Variants in PTPRD observed in about 807,000 individuals in gnomAD.
The protein encoded by PTPRD is protein tyrosine phosphatase receptor type D, also known as receptor-type tyrosine-protein phosphatase delta.
In PTPRD, 34 loss-of-function variants were observed where a neutral mutation model predicts 214.5. The ratio of observed to expected loss-of-function variants is 0.16; its 90% CI spans 0.12 to 0.21. PTPRD has a LOEUF of 0.21. PTPRD is among the 10% of genes least tolerant of loss of function. The probability of loss-of-function intolerance (pLI) is 1.00; values close to 1 mark genes in which losing one functional copy is unlikely to be tolerated. For synonymous variants in PTPRD, 1,128 were observed against 845.7 expected (o/e 1.33, Z -5.79); for missense variants, 2,545 against 2,398.7 (o/e 1.06, Z -1.27).
chr9:9,433,458 T>C (rs2084001601), intron 8 of PTPRD, among the ~76,000 whole-genome samples: 1 of 152,234 alleles, frequency 6.6e-6, no homozygotes, highest in Non-Finnish European at 1.5e-5. Context: ...ACTTATTCAA[T>C]GCAATCAACA....
chr9:10,219,666 T>C (rs2099556958), intron 3 of PTPRD, among the ~76,000 whole-genome samples: 1 of 151,814 alleles, frequency 6.6e-6, no homozygotes, highest in Non-Finnish European at 1.5e-5. Context: ...AAATTTATTT[T>C]TTAAACTTTA....
At position 9,506,632 on chromosome 9, in the gene PTPRD, T is replaced by A. The variant is rs188045448; in HGVS notation, c.-237+68100A>T. On this transcript the variant is annotated intron_variant, in intron 8 of 45. Coordinates refer to ENST00000381196, the MANE Select transcript of PTPRD (RefSeq NM_002839.4). ...TCATTTCTCAGCATATTCCTTTTTT[T>A]AAAAATTACCTTTGGAATACTCAAT... 1.5e-3 allele frequency among the ~76,000 whole-genome samples: 220 copies of A among 151,530 alleles called. 4 individuals carry two copies. Among genetic ancestry groups the A allele is most frequent in the East Asian group, 1.2e-3 (6 of 5,146 alleles).
At chr9:9,042,964 C>A (rs1304620401) in intron 10 of PTPRD, among the ~76,000 whole-genome samples, 5 of 152,158 alleles carry the variant, frequency 3.3e-5, no homozygotes, top group Admixed American at 6.6e-5. Context: ...AGTGTTCTAA[C>A]AGGACTGGAC....
chr9:9,254,196 G>C (rs2099976725), intron 9 of PTPRD, among the ~76,000 whole-genome samples: 1 of 152,034 alleles, frequency 6.6e-6, no homozygotes, highest in Non-Finnish European at 1.5e-5. Flanking sequence ...CACATCTTAT[G>C]GGGGCGGGGC....
intron 12 of PTPRD, among the ~76,000 whole-genome samples, chr9:8,696,132 G>A (rs2097906471): frequency 6.6e-6 from 1 of 152,144 alleles, no homozygotes; most frequent in African/African-American, 2.4e-5. Context: ...GCTGGGTTGA[G>A]GACCAAACAC....
At chr9:10,152,615 C>A (rs2099068295) in intron 3 of PTPRD, among the ~76,000 whole-genome samples, 2 of 152,230 alleles carry the variant, frequency 1.3e-5, no homozygotes, top group East Asian at 1.9e-4. Context: ...CACCTGAGGT[C>A]AGGAGTTTGA....
At chr9:10,307,604 T>A (rs2096123666) in intron 3 of PTPRD, among the ~76,000 whole-genome samples, 1 of 152,142 alleles carries the variant, frequency 6.6e-6, no homozygotes, top group African/African-American at 2.4e-5. Context: ...GTTCTATTTT[T>A]AGTTATTGTT....
chr9:9,011,397 A>T (rs2099511237), intron 11 of PTPRD, among the ~76,000 whole-genome samples: 1 of 152,200 alleles, frequency 6.6e-6, no homozygotes, highest in Non-Finnish European at 1.5e-5. Context: ...GGTAAAATAC[A>T]TATTAACTGC....
At chr9:10,303,920 A>T (rs571494620) in intron 3 of PTPRD, among the ~76,000 whole-genome samples, 1 of 152,166 alleles carries the variant, frequency 6.6e-6, no homozygotes, top group Non-Finnish European at 1.5e-5. Context: ...TTATGAGGCC[A>T]GCATCATCCT....
chr9:8,354,784 GAC>G (rs1408597168), intron 39 of PTPRD, among the ~76,000 whole-genome samples: 2 of 152,154 alleles, frequency 1.3e-5, no homozygotes, highest in African/African-American at 4.8e-5. Flanking sequence ...ATGAACAGAT[GAC>G]AGTTTTCCTT....
chr9:9,900,581 C>G (rs1488091955), intron 5 of PTPRD, among the ~76,000 whole-genome samples: 1 of 151,818 alleles, frequency 6.6e-6, no homozygotes, highest in Non-Finnish European at 1.5e-5. Context: ...CTTGAGAGCC[C>G]TCCAAACTCT....
intron 8 of PTPRD, among the ~76,000 whole-genome samples, chr9:9,499,226 A>C (rs2096312667): frequency 1.3e-5 from 2 of 152,118 alleles, no homozygotes; most frequent in African/African-American, 4.8e-5. Flanking sequence ...TGATGTTATC[A>C]AGACGTATGA....
intron 5 of PTPRD, among the ~76,000 whole-genome samples, chr9:9,772,643 T>C (rs1026795337): frequency 1.4e-5 from 2 of 141,470 alleles, no homozygotes; most frequent in African/African-American, 2.6e-5. Flanking sequence ...TTACTGAGAA[T>C]AGCTTAGTAT....
rs369265860 is a variant in PTPRD at position 8,516,731 on chromosome 9, T to C, written c.1543+1117A>G. 1.9e-3 allele frequency among the ~76,000 whole-genome samples: 285 copies of C among 151,658 alleles called. 3 individuals carry two copies. Among genetic ancestry groups the C allele is most frequent in the African/African-American group, 6.5e-3 (267 of 41,366 alleles). On this transcript the variant is annotated intron_variant, in intron 21 of 45. Transcript: ENST00000381196. ...TGATGCCAAAACATTCGTAGATTAATGCAGGTTTAAAAGATGCCAACACAA... is the reference window on the plus strand; with the variant it reads ...TGATGCCAAAACATTCGTAGATTAACGCAGGTTTAAAAGATGCCAACACAA...
chr9:8,575,504 G>T (rs868633021), intron 14 of PTPRD, among the ~76,000 whole-genome samples: 8 of 152,100 alleles, frequency 5.3e-5, no homozygotes. Flanking sequence ...TTACAGGCTA[G>T]TAAGTATCCT....
intron 11 of PTPRD, among the ~76,000 whole-genome samples, chr9:8,885,780 A>T (rs970817782): frequency 6.6e-6 from 1 of 151,910 alleles, no homozygotes; most frequent in Non-Finnish European, 1.5e-5. Context: ...TATCAGCGTG[A>T]CCCACCGTGC....
At chr9:8,840,599 G>C (rs1013888382) in intron 11 of PTPRD, among the ~76,000 whole-genome samples, 5 of 152,132 alleles carry the variant, frequency 3.3e-5, no homozygotes, top group African/African-American at 1.2e-4. Flanking sequence ...ACCACCTGTT[G>C]AACATATTCA....
chr9:8,587,734 A>T (rs947278657), intron 14 of PTPRD, among the ~76,000 whole-genome samples: 1 of 152,222 alleles, frequency 6.6e-6, no homozygotes, highest in Non-Finnish European at 1.5e-5. Context: ...ACAGCCAAGT[A>T]ACAAAGAAAT....
chr9:10,464,388 AAGAG>A (rs900217191), intron 2 of PTPRD, among the ~76,000 whole-genome samples: 7 of 148,700 alleles, frequency 4.7e-5, no homozygotes, highest in East Asian at 2.2e-4. Flanking sequence ...GAAAGAGAGA[AAGAG>A]AGAGAGAGAG....
Sources: allele counts gnomAD v4.1 joint callset (sites outside exome capture counted in the v4.1 genomes callset), GRCh38; gene constraint gnomAD v4.1.1; transcripts MANE v1.5; gene names NCBI Gene and HGNC (gene_info 2026-07-23, HGNC 2026-07-21).